Variants in ADGRB2 observed in about 807,000 individuals in gnomAD.
ADGRB2 encodes brain-specific angiogenesis inhibitor 2.
ADGRB2 carries 47 observed loss-of-function variants against 178.7 expected under a neutral mutation model. The ratio of observed to expected loss-of-function variants is 0.26; its 90% CI spans 0.21 to 0.34. ADGRB2 has a LOEUF of 0.34. ADGRB2 is among the 10% of genes least tolerant of loss of function. The pLI is 1.00. For synonymous variants in ADGRB2, 870 were observed against 912.4 expected (o/e 0.95, Z 0.84); for missense variants, 1,584 against 2,180.8 (o/e 0.73, Z 5.45).
Position 31,755,950 on chromosome 1 carries a change from CTG to C in ADGRB2, c.838+47_838+48del. On this transcript the variant is annotated intron_variant, in intron 4 of 32. Transcript: ENST00000373658. The surrounding 1 kb of genome is among the most constrained non-coding windows in gnomAD (Gnocchi z 5.1). Reference sequence around the variant, plus strand: ...TCTGCCAGGATGGACACCAGGGACACTGTCAGCCCCTGCAGACCCCGCCCCAC... The same window carrying C: ...TCTGCCAGGATGGACACCAGGGACACTCAGCCCCTGCAGACCCCGCCCCAC... The C allele has an allele frequency of 6.4e-7, 1 of 1,558,382 alleles. No homozygotes were observed. The highest frequency in any genetic ancestry group is 1.2e-5 in the South Asian group (1 of 81,914).
In ADGRB2 at chr1:31,742,194, C is replaced by T. The variant is rs368618419; in HGVS notation, c.1276G>A (p.Gly426Ser). The change falls in exon 8 of 33, where the codon GGT (glycine) becomes AGT (serine). Residue 426 changes from glycine to serine, a missense_variant. This residue lies in a region of ADGRB2 where 657 missense variants were observed against 847.6 expected (regional missense o/e 0.78). Transcript: ENST00000373658. ...GACGTGGAGCATGGGCCCCAGGGAC[C>T]CCATTCTAACCACTGGCCTTCCACT... ...CPVEGQWLEW[G>S]PWGPCSTSCA... 3.1e-6 allele frequency: 5 copies of T among 1,607,956 alleles called. No homozygotes were observed. Among genetic ancestry groups the T allele is most frequent in the Non-Finnish European group, 4.2e-6 (5 of 1,177,040 alleles).
At position 31,735,549 on chromosome 1, in the gene ADGRB2, A is replaced by G; in HGVS notation, c.3353+31T>C. ...CCCTCCCTCCCTGCACCATTTCCAG[A>G]AAGGCCAAGTCTCAGAGGCCCCCCC... On this transcript the variant is annotated intron_variant, in intron 24 of 32. Transcript: ENST00000373658. This position sits in a 1 kb window ranked among gnomAD's most constrained non-coding sequence, Gnocchi z 6.0. 2 of 1,607,620 alleles carry G rather than the reference A, an allele frequency of 1.2e-6. No homozygotes were observed. Among genetic ancestry groups the G allele is most frequent in the East Asian group, 2.2e-5 (1 of 44,830 alleles).
In ADGRB2 at chr1:31,735,773, A is replaced by G; in HGVS notation, c.3267+54T>C. 1 of 1,591,314 alleles carries G rather than the reference A, an allele frequency of 6.3e-7. No homozygotes were observed. Among genetic ancestry groups the G allele is most frequent in the East Asian group, 2.3e-5 (1 of 44,398 alleles). On this transcript the variant is annotated intron_variant, in intron 23 of 32. Transcript: ENST00000373658. This position sits in a 1 kb window ranked among gnomAD's most constrained non-coding sequence, Gnocchi z 6.0. ...GCGCAGGGAGGAGGTAGAGGGAGAA[A>G]CAGGATGACCCTCTGGGGCCATGCC...
At chr1:31,738,086 A>G in intron 18 of ADGRB2, 114 bp downstream of exon 18, 1 of 1,442,568 alleles carries the variant, frequency 6.9e-7, no homozygotes. Flanking sequence ...CCACAAGCGC[A>G]CCTGCAGATG....
chr1:31,752,607 G>A (rs573840973), intron 4 of ADGRB2, among the ~76,000 whole-genome samples: 3 of 152,276 alleles, frequency 2.0e-5, no homozygotes, highest in African/African-American at 7.2e-5. Context: ...CAGGAGTTCT[G>A]GATAACCAAG....
intron 4 of ADGRB2, among the ~76,000 whole-genome samples, chr1:31,746,074 T>C (rs548570715): frequency 6.6e-6 from 1 of 152,264 alleles, no homozygotes; most frequent in African/African-American, 2.4e-5. Flanking sequence ...AAATGGGGTG[T>C]GGACATTGAC....
Position 31,727,169 on chromosome 1 carries a change from C to T in ADGRB2, c.*251G>A, listed in dbSNP as rs1005257372. ...AAGTTCCCCTCCCCCCTCCCCAGCC[C>T]GGGACAGGGACGGACAGGCTGGGCT... On this transcript the variant is annotated 3_prime_UTR_variant, in exon 33 of 33. Transcript: ENST00000373658. The surrounding 1 kb of genome is among the most constrained non-coding windows in gnomAD (Gnocchi z 4.4). 25 of 454,060 alleles carry T rather than the reference C, an allele frequency of 5.5e-5. No homozygotes were observed. The highest frequency in any genetic ancestry group is 5.5e-4 in the Middle Eastern group (1 of 1,802). The allele number at this position is 454,060 out of a possible 1,614,324, so 28.1% of individuals were successfully genotyped here.
chr1:31,760,131 A>C (rs1167396288), intron 1 of ADGRB2, among the ~76,000 whole-genome samples: 1 of 152,182 alleles, frequency 6.6e-6, no homozygotes, highest in Non-Finnish European at 1.5e-5. Flanking sequence ...AAACCCAGGA[A>C]GACCACAGAC....
intron 6 of ADGRB2, chr1:31,743,327 GA>G (rs1216180219): frequency 1.4e-5 from 4 of 278,594 alleles, no homozygotes; most frequent in African/African-American, 8.8e-5. Flanking sequence ...AAGGACCCAG[GA>G]CCCACGCCAT....
rs772347291 is a variant in ADGRB2, at chr1:31,756,651, G to A, written c.186C>T (p.Ala62=). ...TCTCCAGGGTCCAGGAGCAGCCCGA[G>A]GCGATGGTAGGAAAGAGGTCCTGCA... ...FSLQDLFPTI[A]SGCSWTLENP... The change falls in exon 4 of 33, where the codon GCC becomes GCT. Residue 62 remains alanine (A), a synonymous_variant. Transcript: ENST00000373658. The surrounding 1 kb of genome is among the most constrained non-coding windows in gnomAD (Gnocchi z 8.5). The A allele has an allele frequency of 1.2e-6, 2 of 1,608,870 alleles. No homozygotes were observed. The highest frequency in any genetic ancestry group is 4.5e-5 in the East Asian group (2 of 44,770).
chr1:31,737,897 G>A, intron 18 of ADGRB2, 142 bp from the exon 19 acceptor site: 1 of 818,856 alleles, frequency 1.2e-6, no homozygotes, highest in Non-Finnish European at 1.9e-6. Context: ...TGTATGCACA[G>A]AACAGACCCG....
chr1:31,735,430 C>A lies in ADGRB2; in HGVS notation c.3354-149G>T. On this transcript the variant is annotated intron_variant, in intron 24 of 32. Transcript: ENST00000373658. This position sits in a 1 kb window ranked among gnomAD's most constrained non-coding sequence, Gnocchi z 6.0. ...GTGGGTGAGGGGCTGCGGCTGAGCA[C>A]TCCGGGTGCCCACCTTGCCTGCAAC... The A allele has an allele frequency of 8.0e-7, 1 of 1,251,562 alleles. No individual in the cohort carries two copies. The highest frequency in any genetic ancestry group is 1.1e-6 in the Non-Finnish European group (1 of 879,662). The allele number at this position is 1,251,562 out of a possible 1,614,324, so 77.5% of individuals were successfully genotyped here.
Position 31,735,191 on chromosome 1 carries a change from C to T in ADGRB2, c.3444G>A (p.Arg1148=). Residue 1148 remains arginine, a synonymous_variant, in exon 25 of 33, where the codon AGG becomes AGA. Transcript: ENST00000373658. The surrounding 1 kb of genome is among the most constrained non-coding windows in gnomAD (Gnocchi z 6.0). ...PSPLLSSASA[R]NAMASLWSSC... is the part of the protein sequence containing the mutation. ...CAGGGGGCACGACTAACATGGCGTT[C>T]CTGGCCGAGGCTGAGCTGAGCAGGG... The T allele has an allele frequency of 2.2e-6, 3 of 1,345,258 alleles. No individual in the cohort carries two copies. Among genetic ancestry groups the T allele is most frequent in the Non-Finnish European group, 2.9e-6 (3 of 1,036,246 alleles). The allele number at this position is 1,345,258 out of a possible 1,614,324, so 83.3% of individuals were successfully genotyped here.
rs71006321 is a variant in ADGRB2 at position 31,728,803 on chromosome 1, A to AACACAC, written c.4381-176_4381-171dup. Among the ~76,000 whole-genome samples, 6,923 of 115,398 alleles carry AACACAC rather than the reference A, an allele frequency of 0.06. 357 individuals are homozygous for AACACAC. The highest frequency in any genetic ancestry group is 0.095 in the East Asian group (343 of 3,618). The allele number at this position is 115,398 out of a possible 152,430, so 75.7% of individuals were successfully genotyped here. On this transcript the variant is annotated intron_variant, in intron 29 of 32. Transcript: ENST00000373658. The surrounding 1 kb of genome is among the most constrained non-coding windows in gnomAD (Gnocchi z 6.7). Reference sequence around the variant, plus strand: ...TGGGGCAGCTTTTCAGGCCTCACTGAACACACACACACACACACACACACA... The same window carrying AACACAC: ...TGGGGCAGCTTTTCAGGCCTCACTGAACACACACACACACACACACACACACACACA...
chr1:31,740,395 A>G lies in ADGRB2; in HGVS notation c.1941T>C (p.Thr647=). ...LFSVDILRNV[T]DTFKRATYVP... ...CGTAGGTGGCCCTCTTAAAGGTGTC[A>G]GTGACATTCCTCAGAATGTCCACAG... The change falls in exon 12 of 33, where the codon ACT becomes ACC. Residue 647 remains threonine, a synonymous_variant. Coordinates refer to ENST00000373658, the MANE Select transcript of ADGRB2 (RefSeq NM_001364857.2). The surrounding 1 kb of genome is among the most constrained non-coding windows in gnomAD (Gnocchi z 5.9). The G allele has an allele frequency of 6.2e-7, 1 of 1,614,030 alleles. No homozygotes were observed. Among genetic ancestry groups the G allele is most frequent in the South Asian group, 1.1e-5 (1 of 91,064 alleles).
chr1:31,740,667 G>A lies in ADGRB2; in HGVS notation c.1795-126C>T, dbSNP rs1208834855. ...AGAGAAAGGGGGAAAAGGTCAGAGAGGCTCAAAGGGGCACACAGGGGAGAC... is the reference window on the plus strand; with the variant it reads ...AGAGAAAGGGGGAAAAGGTCAGAGAAGCTCAAAGGGGCACACAGGGGAGAC... On this transcript the variant is annotated intron_variant, in intron 11 of 32. Coordinates refer to ENST00000373658, the MANE Select transcript of ADGRB2 (RefSeq NM_001364857.2). This position sits in a 1 kb window ranked among gnomAD's most constrained non-coding sequence, Gnocchi z 5.9. The A allele has an allele frequency of 9.3e-6, 9 of 966,928 alleles. No individual in the cohort carries two copies. The highest frequency in any genetic ancestry group is 3.1e-5 in the Admixed American group (1 of 32,150). 59.9% of individuals were successfully genotyped at this position (966,928 alleles called of 1,614,324 possible). A position where few individuals can be genotyped will look rare whatever the true frequency, so the allele number is the denominator to read the frequency against.
rs1646707246 is a variant in ADGRB2, at chr1:31,753,912, C to A, written c.838+2087G>T. 6.6e-6 allele frequency among the ~76,000 whole-genome samples: 1 copy of A among 152,204 alleles called. No individual in the cohort carries two copies. On this transcript the variant is annotated intron_variant, in intron 4 of 32. Transcript: ENST00000373658. The surrounding 1 kb of genome is among the most constrained non-coding windows in gnomAD (Gnocchi z 4.1). ...GGCACCAGTGTGCCATGTGAGCCCA[C>A]TTATGACAGCTGATGCCACATCATC...
At position 31,740,751 on chromosome 1, in the gene ADGRB2, G is replaced by T. The variant is rs1645897854; in HGVS notation, c.1795-210C>A. Among the ~76,000 whole-genome samples the T allele has an allele frequency of 6.6e-6, 1 of 152,038 alleles. No individual in the cohort carries two copies. The highest frequency in any genetic ancestry group is 1.5e-5 in the Non-Finnish European group (1 of 68,010). The stretch of plus-strand genomic sequence containing the variant: ...GAATCCCAAAGGGTACTTTAAAAAA[G>T]ACTGAAATAGAAACACCTAGAGAAA... On this transcript the variant is annotated intron_variant, in intron 11 of 32. Transcript: ENST00000373658. This position sits in a 1 kb window ranked among gnomAD's most constrained non-coding sequence, Gnocchi z 5.9.
Position 31,754,661 on chromosome 1 carries a change from C to T in ADGRB2, c.838+1338G>A, listed in dbSNP as rs1198483743. On this transcript the variant is annotated intron_variant, in intron 4 of 32. Transcript: ENST00000373658. The surrounding 1 kb of genome is among the most constrained non-coding windows in gnomAD (Gnocchi z 5.7). ...CACAGCAAAGCCACCGGGCACTTGC[C>T]GTGGATGGGCACGATGTCAGATGTC... is the stretch of plus-strand genomic sequence containing the variant. 2.6e-5 allele frequency among the ~76,000 whole-genome samples: 4 copies of T among 152,224 alleles called. No individual in the cohort carries two copies. Among genetic ancestry groups the T allele is most frequent in the South Asian group, 2.1e-4 (1 of 4,836 alleles).
Sources: allele counts gnomAD v4.1 joint callset (sites outside exome capture counted in the v4.1 genomes callset), GRCh38; gene constraint gnomAD v4.1.1; regional missense constraint gnomAD v4.1.1; non-coding constraint Gnocchi (gnomAD v3.1); transcripts MANE v1.5; gene names NCBI Gene and HGNC (gene_info 2026-07-23, HGNC 2026-07-21).